ABHD12: variants seen among roughly 807,000 people sequenced by gnomAD.
The protein encoded by ABHD12 is abhydrolase domain containing 12, lysophospholipase, also known as lysophosphatidylserine lipase ABHD12.
In ABHD12, 43 loss-of-function variants were observed where a neutral mutation model predicts 58.3. The observed-to-expected ratio is 0.74, with a 90% CI of 0.58 to 0.95. The LOEUF (loss-of-function observed/expected upper bound fraction) is 0.95. Ranked by LOEUF, ABHD12 falls within the 40% of genes least tolerant of loss-of-function variation. The probability of loss-of-function intolerance (pLI) is 0.00; values close to 1 mark genes in which losing one functional copy is unlikely to be tolerated. For synonymous variants in ABHD12, 219 were observed against 211.2 expected (o/e 1.04, Z -0.32); for missense variants, 539 against 537.2 (o/e 1.00, Z -0.03).
intron 6 of ABHD12, among the ~76,000 whole-genome samples, chr20:25,311,871 C>A (rs1421011389): frequency 4.6e-5 from 7 of 151,890 alleles, no homozygotes; most frequent in Non-Finnish European, 1.0e-4. Context: ...GGCTCAGCTA[C>A]TTTTTTTTGT....
chr20:25,342,275 T>G (rs368088868), intron 1 of ABHD12, among the ~76,000 whole-genome samples: 1 of 152,186 alleles, frequency 6.6e-6, no homozygotes, highest in Admixed American at 6.5e-5. Flanking sequence ...TGCAACCACG[T>G]AGATGAATCT....
intron 10 of ABHD12, among the ~76,000 whole-genome samples, chr20:25,305,826 A>G (rs947895543): frequency 5.3e-5 from 8 of 152,246 alleles, no homozygotes; most frequent in Non-Finnish European, 1.0e-4. Context: ...ATATATTTCT[A>G]TAACCAAACA....
intron 1 of ABHD12, among the ~76,000 whole-genome samples, chr20:25,342,083 A>G (rs1037749717): frequency 4.0e-5 from 6 of 149,380 alleles, no homozygotes; most frequent in Non-Finnish European, 7.4e-5. Flanking sequence ...AGCCTGGGCA[A>G]CAACAGTGAA....
intron 1 of ABHD12, among the ~76,000 whole-genome samples, chr20:25,354,982 T>C (rs2089648633): frequency 6.6e-6 from 1 of 152,160 alleles, no homozygotes; most frequent in Non-Finnish European, 1.5e-5. Context: ...TTAGACTACT[T>C]TGAAGAACAA....
chr20:25,390,477 G>GGGGGGGGGGGGCCCCC, intron 1 of ABHD12, 36 bp downstream of exon 1: 1 of 98,530 alleles, frequency 1.0e-5, no homozygotes, highest in Non-Finnish European at 1.3e-5. Context: ...TGAGGGACCG[G>GGGGGGGGGGGGCCCCC]CCCCCCCCCC....
At chr20:25,329,084 G>C (rs1440441732) in intron 2 of ABHD12, among the ~76,000 whole-genome samples, 1 of 152,232 alleles carries the variant, frequency 6.6e-6, no homozygotes, top group African/African-American at 2.4e-5. Flanking sequence ...GCGAGTGCCA[G>C]GACCCTCTGG....
At position 25,304,606 on chromosome 20, in the gene ABHD12, T is replaced by C. The variant is rs575435748; in HGVS notation, c.951-978A>G. 2.6e-5 allele frequency among the ~76,000 whole-genome samples: 4 copies of C among 152,232 alleles called. No individual in the cohort carries two copies. In the South Asian group the frequency reaches 8.3e-4, roughly 32 times the overall value. On this transcript the variant is annotated intron_variant, in intron 10 of 12. Transcript: ENST00000339157. ...TTATTTTGAGATGAGTCTTGCTCTTTCACCAGGCTGGAGTGCAGTGGTGCG... is the reference window on the plus strand; with the variant it reads ...TTATTTTGAGATGAGTCTTGCTCTTCCACCAGGCTGGAGTGCAGTGGTGCG...
rs2088843791 is a variant in ABHD12 at position 25,311,236 on chromosome 20, G to A, written c.620-1661C>T. Among the ~76,000 whole-genome samples the A allele has an allele frequency of 1.3e-5, 2 of 152,206 alleles. 1 individual carries two copies. The highest frequency in any genetic ancestry group is 4.1e-4 in the South Asian group (2 of 4,826). ...TACTAACTGCTTGCCTTGAGATGGG[G>A]GTGATCCTGGACAAGCTGGGTGGGC... is the stretch of plus-strand genomic sequence containing the variant. On this transcript the variant is annotated intron_variant, in intron 6 of 12. Coordinates refer to ENST00000339157, the MANE Select transcript of ABHD12 (RefSeq NM_001042472.3).
Position 25,390,822 on chromosome 20 carries a change from GC to G in ABHD12, c.-120del, listed in dbSNP as rs2090167605. On this transcript the variant is annotated 5_prime_UTR_variant, in exon 1 of 13. Coordinates refer to ENST00000339157, the MANE Select transcript of ABHD12 (RefSeq NM_001042472.3). ...GGAACCCGCCGCTCCTCACATCCCA[GC>G]CCAGGCCGCTGCGCCGGCTACGAAC... is the stretch of plus-strand genomic sequence containing the variant. 1.6e-6 allele frequency: 1 copy of G among 624,850 alleles called. No individual in the cohort carries two copies. Among genetic ancestry groups the G allele is most frequent in the African/African-American group, 2.0e-5 (1 of 50,926 alleles). The allele number at this position is 624,850 out of a possible 1,614,324, so 38.7% of individuals were successfully genotyped here. A position where few individuals can be genotyped will look rare whatever the true frequency, so the allele number is the denominator to read the frequency against.
At chr20:25,317,441 C>A (rs1279956711) in intron 4 of ABHD12, among the ~76,000 whole-genome samples, 14 of 152,194 alleles carry the variant, frequency 9.2e-5, no homozygotes, top group African/African-American at 4.8e-5. Context: ...TGTGCTCCAA[C>A]AGGACCCGTA....
chr20:25,360,166 T>A (rs964572307), intron 1 of ABHD12, among the ~76,000 whole-genome samples: 14 of 149,072 alleles, frequency 9.4e-5, no homozygotes, highest in Non-Finnish European at 1.9e-4. Context: ...AATTTCTGTA[T>A]CTCTAAATAG....
chr20:25,305,501 T>C (rs895063607), intron 10 of ABHD12, among the ~76,000 whole-genome samples: 5 of 152,106 alleles, frequency 3.3e-5, no homozygotes, highest in Non-Finnish European at 7.4e-5. Flanking sequence ...TAGCTGGGAC[T>C]ACAGGCACGA....
At chr20:25,338,951 C>T (rs1444537843) in intron 2 of ABHD12, 1 of 1,227,072 alleles carries the variant, frequency 8.1e-7, no homozygotes, top group Non-Finnish European at 1.0e-6. Flanking sequence ...AAATCCAGTG[C>T]TGGGGAGCAA....
chr20:25,390,398 C>T, intron 1 of ABHD12, 115 bp downstream of exon 1: 3 of 1,066,520 alleles, frequency 2.8e-6, no homozygotes, highest in Non-Finnish European at 3.6e-6. Flanking sequence ...GGCCGCGGAT[C>T]GGGCGGACGG....
intron 1 of ABHD12, among the ~76,000 whole-genome samples, chr20:25,353,579 C>A (rs1318567356): frequency 6.6e-6 from 1 of 152,162 alleles, no homozygotes; most frequent in Non-Finnish European, 1.5e-5. Flanking sequence ...GTATTCTGTA[C>A]AGGCTGGGCT....
rs1600887894 is a variant in ABHD12, at chr20:25,384,427, A to G, written c.191+6086T>C. ...TACACACACACACACAAGCACACAC[A>G]CTAAGACAAAAAAAAAACTATATAA... On this transcript the variant is annotated intron_variant, in intron 1 of 12. Coordinates refer to ENST00000339157, the MANE Select transcript of ABHD12 (RefSeq NM_001042472.3). Among the ~76,000 whole-genome samples the G allele has an allele frequency of 2.0e-5, 3 of 151,324 alleles. No homozygotes were observed. The East Asian group carries it at 5.8e-4, about 29-fold the overall frequency.
intron 1 of ABHD12, chr20:25,390,130 G>A (rs906551959): frequency 5.2e-5 from 9 of 171,964 alleles, no homozygotes; most frequent in Non-Finnish European, 1.1e-4. Flanking sequence ...ATCTTCCAAG[G>A]ACTCCCCACC....
In ABHD12 at chr20:25,390,805, C is replaced by T; in HGVS notation, c.-102G>A. Reference sequence around the variant, plus strand: ...CCCAGAGCCCGGAGCCCGGAACCCGCCGCTCCTCACATCCCAGCCCAGGCC... The same window carrying T: ...CCCAGAGCCCGGAGCCCGGAACCCGTCGCTCCTCACATCCCAGCCCAGGCC... On this transcript the variant is annotated 5_prime_UTR_variant, in exon 1 of 13. Coordinates refer to ENST00000339157, the MANE Select transcript of ABHD12 (RefSeq NM_001042472.3). 1.3e-6 allele frequency: 1 copy of T among 762,080 alleles called. No homozygotes were observed. Among genetic ancestry groups the T allele is most frequent in the Non-Finnish European group, 1.7e-6 (1 of 575,460 alleles). 47.2% of individuals were successfully genotyped at this position (762,080 alleles called of 1,614,324 possible).
intron 1 of ABHD12, among the ~76,000 whole-genome samples, chr20:25,369,736 T>C (rs541729200): frequency 1.9e-4 from 29 of 152,246 alleles, no homozygotes; most frequent in African/African-American, 7.0e-4. Flanking sequence ...GTAAGCTATT[T>C]TATAACTTCA....
Sources: allele counts gnomAD v4.1 joint callset (sites outside exome capture counted in the v4.1 genomes callset), GRCh38; gene constraint gnomAD v4.1.1; transcripts MANE v1.5; gene names NCBI Gene and HGNC (gene_info 2026-07-23, HGNC 2026-07-21).